Variants in MYH9 observed in about 807,000 individuals in gnomAD.
The protein encoded by MYH9 is myosin-9.
In MYH9, 29 loss-of-function variants were observed where a neutral mutation model predicts 241.9. The ratio of observed to expected loss-of-function variants is 0.12; its 90% CI spans 0.09 to 0.16. The LOEUF (loss-of-function observed/expected upper bound fraction) is 0.16. Ranked by LOEUF, MYH9 falls within the 10% of genes least tolerant of loss-of-function variation. The pLI is 1.00. For missense variants in MYH9, 1,803 were observed against 2,595.5 expected (o/e 0.69, Z 6.63); for synonymous variants, 1,047 against 1,062.6 (o/e 0.99, Z 0.29).
intron 1 of MYH9, among the ~76,000 whole-genome samples, chr22:36,370,233 G>A (rs1414922519): frequency 1.3e-5 from 2 of 152,210 alleles, no homozygotes; most frequent in Admixed American, 6.5e-5. Context: ...CAGATGGTCT[G>A]AGTCCAGAGT....
chr22:36,294,376 G>T, intron 27 of MYH9, 78 bp from the exon 28 acceptor site: 1 of 1,481,140 alleles, frequency 6.8e-7, no homozygotes, highest in Non-Finnish European at 9.3e-7. Flanking sequence ...CTGGACCCTA[G>T]ATCCAGACAT....
intron 9 of MYH9, 61 bp from the exon 10 acceptor site, chr22:36,319,696 G>C: frequency 6.6e-7 from 1 of 1,513,298 alleles, no homozygotes; most frequent in East Asian, 2.3e-5. Context: ...TCCCGGGGGT[G>C]GGGGCCACTC....
In MYH9 at chr22:36,336,434, C is replaced by T. The variant is rs181675788; in HGVS notation, c.490+4936G>A. Among the ~76,000 whole-genome samples, 4 of 152,346 alleles carry T rather than the reference C, an allele frequency of 2.6e-5. No individual in the cohort carries two copies. In the East Asian group the frequency reaches 5.8e-4, roughly 22 times the overall value. ...TTACAGCAGACCATTGTGCCTGCCCCGGGACACAGTCCCACCCATCCCCCG... is the reference window on the plus strand; with the variant it reads ...TTACAGCAGACCATTGTGCCTGCCCTGGGACACAGTCCCACCCATCCCCCG... On this transcript the variant is annotated intron_variant, in intron 3 of 40. Coordinates refer to ENST00000216181, the MANE Select transcript of MYH9 (RefSeq NM_002473.6).
chr22:36,310,016 A>C (rs932314380), intron 14 of MYH9, among the ~76,000 whole-genome samples: 1 of 151,822 alleles, frequency 6.6e-6, no homozygotes, highest in Non-Finnish European at 1.5e-5. Context: ...TTGGGAGGCC[A>C]AGGCGGGTGG....
intron 14 of MYH9, 36 bp from the exon 15 acceptor site, chr22:36,309,432 G>C (rs1459051306): frequency 6.6e-7 from 1 of 1,510,988 alleles, no homozygotes; most frequent in Non-Finnish European, 9.2e-7. Context: ...CACAAGCTGC[G>C]CTGGGGACAT....
chr22:36,354,497 T>C (rs1382552054), intron 1 of MYH9, among the ~76,000 whole-genome samples: 1 of 150,880 alleles, frequency 6.6e-6, no homozygotes, highest in Non-Finnish European at 1.5e-5. Context: ...CAGGCTGGAG[T>C]GCAGTGGCGT....
At chr22:36,338,293 C>T (rs1254410502) in intron 3 of MYH9, among the ~76,000 whole-genome samples, 1 of 152,032 alleles carries the variant, frequency 6.6e-6, no homozygotes, top group Non-Finnish European at 1.5e-5. Context: ...AGCCACCACA[C>T]CCAGCCGAAG....
chr22:36,304,945 G>A (rs1436489812), intron 18 of MYH9, 88 bp downstream of exon 18: 6 of 1,313,922 alleles, frequency 4.6e-6, no homozygotes, highest in South Asian at 2.4e-5. Flanking sequence ...ACCGACCACT[G>A]ATATAGCAAG....
chr22:36,379,537 A>G (rs1035892700), intron 1 of MYH9, among the ~76,000 whole-genome samples: 3 of 152,206 alleles, frequency 2.0e-5, no homozygotes, highest in African/African-American at 7.2e-5. Flanking sequence ...ACAGAAAGAC[A>G]TCATCTTGGC....
At chr22:36,384,657 C>T (rs1465964614) in intron 1 of MYH9, among the ~76,000 whole-genome samples, 1 of 105,280 alleles carries the variant, frequency 9.5e-6, no homozygotes, top group East Asian at 3.5e-4. Flanking sequence ...TATATACAGC[C>T]ACTACATATT....
chr22:36,331,986 C>T (rs893776759), intron 3 of MYH9, among the ~76,000 whole-genome samples: 5 of 152,214 alleles, frequency 3.3e-5, no homozygotes, highest in African/African-American at 1.2e-4. Context: ...CCAGAGTGGC[C>T]CCTGGGGGGT....
chr22:36,366,638 A>G (rs1222598813), intron 1 of MYH9, among the ~76,000 whole-genome samples: 1 of 152,208 alleles, frequency 6.6e-6, no homozygotes, highest in Non-Finnish European at 1.5e-5. Flanking sequence ...CACAAGAACG[A>G]AAGAGGAGCC....
intron 12 of MYH9, 130 bp from the exon 13 acceptor site, chr22:36,314,448 T>C: frequency 8.7e-7 from 1 of 1,145,342 alleles, no homozygotes; most frequent in Non-Finnish European, 1.3e-6. Context: ...CCGCTGCCTT[T>C]AGAGCCCGGA....
intron 31 of MYH9, among the ~76,000 whole-genome samples, chr22:36,290,994 C>G (rs6000232): frequency 0.078 from 11,752 of 150,548 alleles, 1,468 homozygotes; most frequent in African/African-American, 0.28. Context: ...CGCCCGGCGG[C>G]CACCCCGTCT....
Position 36,285,926 on chromosome 22 carries a change from G to A in MYH9, c.5089C>T (p.Arg1697Cys), listed in dbSNP as rs372871106. ...EELAAAERAK[R>C]QAQQERDELA... ...TCATCCCGCTCCTGCTGGGCCTGGC[G>A]CTTGGCACGCTCCGCGGCTGCCAGT... The change falls in exon 36 of 41, where the codon CGC becomes TGC. Residue 1697 changes from arginine (R) to cysteine (C), a missense_variant. This residue lies in a region of MYH9 where 876 missense variants were observed against 1,077.8 expected (regional missense o/e 0.81). Transcript: ENST00000216181. The surrounding 1 kb of genome is among the most constrained non-coding windows in gnomAD (Gnocchi z 7.0). 21 of 1,611,736 alleles carry A rather than the reference G, an allele frequency of 1.3e-5. No homozygotes were observed. Among genetic ancestry groups the A allele is most frequent in the South Asian group, 6.6e-5 (6 of 91,068 alleles).
chr22:36,296,892 T>C lies in MYH9; in HGVS notation c.3223A>G (p.Lys1075Glu), dbSNP rs1372257019. 1.2e-6 allele frequency: 2 copies of C among 1,612,976 alleles called. No individual in the cohort carries two copies. Among genetic ancestry groups the C allele is most frequent in the Admixed American group, 1.7e-5 (1 of 60,008 alleles). Residue 1075 changes from lysine (K) to glutamate (E), a missense_variant, in exon 25 of 41, where the codon AAG (lysine) becomes GAG (glutamate). By Grantham distance (56) the Lys-to-Glu change is moderately conservative. Transcript: ENST00000216181. ...AELQAQIAEL[K>E]MQLAKKEEEL... ...TCCTCTTTCTTGGCCAGCTGCATCT[T>C]GAGCTCCGCGATCTGGGCCTGGAGC...
intron 1 of MYH9, among the ~76,000 whole-genome samples, chr22:36,374,219 C>T (rs1303739873): frequency 6.6e-6 from 1 of 152,108 alleles, no homozygotes; most frequent in Admixed American, 6.6e-5. Flanking sequence ...CCCATCTCTA[C>T]TAAAAATACA....
At chr22:36,369,863 C>T (rs565203621) in intron 1 of MYH9, among the ~76,000 whole-genome samples, 5 of 152,242 alleles carry the variant, frequency 3.3e-5, no homozygotes, top group South Asian at 2.1e-4. Flanking sequence ...GGGCTAGTCA[C>T]GTAGGTTTTC....
At position 36,304,336 on chromosome 22, in the gene MYH9, G is replaced by A. The variant is rs113063333; in HGVS notation, c.2230-181C>T. Among the ~76,000 whole-genome samples, 1,433 of 152,230 alleles carry A rather than the reference G, an allele frequency of 9.4e-3. 25 individuals carry two copies. Among genetic ancestry groups the A allele is most frequent in the African/African-American group, 0.032 (1,339 of 41,528 alleles). ...TCCTGTTCCCTATCTCCCCGTCACC[G>A]AACGCAGGCTGTGCACACAGTAGGT... On this transcript the variant is annotated intron_variant, in intron 18 of 40. Transcript: ENST00000216181.
Sources: gnomAD v4.1 joint callset for allele counts (sites outside exome capture counted in the v4.1 genomes callset) on GRCh38, gnomAD v4.1.1 for gene constraint, gnomAD v4.1.1 regional missense constraint, Gnocchi (gnomAD v3.1) non-coding constraint, MANE v1.5 for transcripts, NCBI Gene and HGNC (gene_info 2026-07-23, HGNC 2026-07-21) for gene names.